Variants in ARHGEF10 observed in about 807,000 individuals in gnomAD.
The protein encoded by ARHGEF10 is Rho guanine nucleotide exchange factor (GEF) 10.
A neutral mutation model predicts 147.4 loss-of-function variants in ARHGEF10; 140 were observed. The ratio of observed to expected loss-of-function variants is 0.95; its 90% confidence interval spans 0.83 to 1.09. ARHGEF10 has a LOEUF of 1.09. Ranked by LOEUF, ARHGEF10 falls within the 50% of genes least tolerant of loss-of-function variation. The pLI is 0.00. For missense variants in ARHGEF10, 2,222 were observed against 1,752.7 expected (o/e 1.27, Z -4.78); for synonymous variants, 902 against 695.8 (o/e 1.30, Z -4.67).
chr8:1,859,681 C>A (rs926934222), intron 3 of ARHGEF10, among the ~76,000 whole-genome samples: 2 of 152,190 alleles, frequency 1.3e-5, no homozygotes, highest in African/African-American at 4.8e-5. Flanking sequence ...CTGTAGTGAC[C>A]AGGCTGCATC....
In ARHGEF10 at chr8:1,925,321, G is replaced by A. The variant is rs1812602496; in HGVS notation, c.2527G>A (p.Asp843Asn). The A allele has an allele frequency of 2.5e-6, 4 of 1,614,170 alleles. No individual in the cohort carries two copies. Among genetic ancestry groups the A allele is most frequent in the Non-Finnish European group, 1.7e-6 (2 of 1,180,030 alleles). Residue 843 changes from aspartate (D) to asparagine (N), a missense_variant, in exon 22 of 29, where the codon GAT (aspartate) becomes AAT (asparagine). Coordinates refer to ENST00000349830, the MANE Select transcript of ARHGEF10 (RefSeq NM_014629.4). ...NHMGWFCVED[D>N]GNHIKKEKHP... ...CATGGGCTGGTTCTGTGTGGAAGACGATGGGAATCACATTAAAAAGGAGAA... is the reference window on the plus strand; with the variant it reads ...CATGGGCTGGTTCTGTGTGGAAGACAATGGGAATCACATTAAAAAGGAGAA...
rs35095003 is a variant in ARHGEF10 at position 1,957,201 on chromosome 8, C to A, written c.3973C>A (p.Pro1325Thr). The change falls in exon 29 of 29, where the codon CCC (proline) becomes ACC (threonine). Residue 1325 changes from proline to threonine, a missense_variant. Coordinates refer to ENST00000349830, the MANE Select transcript of ARHGEF10 (RefSeq NM_014629.4). ...HRRVHRKARQ[P>T]HQEELAPTVM... Reference sequence around the variant, plus strand: ...CCGGGTGCACAGGAAGGCCCGGCAGCCCCACCAGGAAGAGCTGGCGCCGAC... The same window carrying A: ...CCGGGTGCACAGGAAGGCCCGGCAGACCCACCAGGAAGAGCTGGCGCCGAC... 1 of 1,612,140 alleles carries A rather than the reference C, an allele frequency of 6.2e-7. No homozygotes were observed. Among genetic ancestry groups the A allele is most frequent in the African/African-American group, 1.3e-5 (1 of 74,924 alleles).
Position 1,929,392 on chromosome 8 carries a change from CT to C in ARHGEF10, c.3029del (p.Leu1010ArgfsTer28), listed in dbSNP as rs1457375724. On this transcript the variant is annotated frameshift_variant, in exon 25 of 29. Transcript: ENST00000349830. LOFTEE classifies it high-confidence loss of function. ...GAGCCTGGCTTGCACGTCTCAGAGC[CT>C]GTACGCTGGCCTGGTCAACGGGGCA... ...VMSLACTSQS[L>X]YAGLVNGAVA... 1 of 1,613,372 alleles carries C rather than the reference CT, an allele frequency of 6.2e-7. No homozygotes were observed. The highest frequency in any genetic ancestry group is 1.1e-5 in the South Asian group (1 of 91,046).
chr8:1,954,059 C>T (rs1431705037), intron 28 of ARHGEF10, among the ~76,000 whole-genome samples: 2 of 152,174 alleles, frequency 1.3e-5, no homozygotes, highest in South Asian at 2.1e-4. Context: ...ATGTTGAGGA[C>T]CCCAAATCCA....
intron 17 of ARHGEF10, among the ~76,000 whole-genome samples, chr8:1,908,696 G>C (rs1010149080): frequency 1.3e-5 from 2 of 151,910 alleles, no homozygotes; most frequent in Non-Finnish European, 2.9e-5. Flanking sequence ...GTTGGCGCAG[G>C]TCGTTTCCAC....
At chr8:1,827,090 C>G (rs1227603801) in intron 1 of ARHGEF10, among the ~76,000 whole-genome samples, 1 of 152,138 alleles carries the variant, frequency 6.6e-6, no homozygotes, top group Non-Finnish European at 1.5e-5. Context: ...GGCCACAGCC[C>G]CAGGTCCGTC....
At chr8:1,938,468 G>A (rs969725730) in intron 26 of ARHGEF10, among the ~76,000 whole-genome samples, 1 of 152,294 alleles carries the variant, frequency 6.6e-6, no homozygotes, top group Admixed American at 6.5e-5. Context: ...GGAAAGAGAG[G>A]AAAAAGGTTT....
Position 1,859,967 on chromosome 8 carries a change from A to AGTCAACCC in ARHGEF10, c.265_272dup (p.Tyr92SerfsTer86). The AGTCAACCC allele has an allele frequency of 6.2e-7, 1 of 1,614,166 alleles. No individual in the cohort carries two copies. The highest frequency in any genetic ancestry group is 8.5e-7 in the Non-Finnish European group (1 of 1,180,034). On this transcript the variant is annotated frameshift_variant, in exon 4 of 29. Coordinates refer to ENST00000349830, the MANE Select transcript of ARHGEF10 (RefSeq NM_014629.4). LOFTEE classifies it high-confidence loss of function. ...CTACTAAGCTGGTGCTCCCGATGAAAGTCAACCCATATTCTGTCATCGACA... is the reference window on the plus strand; with the variant it reads ...CTACTAAGCTGGTGCTCCCGATGAAAGTCAACCCGTCAACCCATATTCTGTCATCGACA...
intron 26 of ARHGEF10, among the ~76,000 whole-genome samples, chr8:1,944,106 G>A (rs76498815): frequency 2.6e-3 from 256 of 96,858 alleles, no homozygotes; most frequent in Middle Eastern, 6.5e-3. Context: ...CCAGCCTCCC[G>A]CACTGTGTCG....
At chr8:1,887,426 T>G (rs1808761976) in intron 11 of ARHGEF10, among the ~76,000 whole-genome samples, 1 of 146,728 alleles carries the variant, frequency 6.8e-6, no homozygotes, top group South Asian at 2.2e-4. Context: ...CTGAGTGGGG[T>G]GTGAGGGGTC....
At chr8:1,897,283 C>G (rs1810054678) in intron 14 of ARHGEF10, among the ~76,000 whole-genome samples, 1 of 152,244 alleles carries the variant, frequency 6.6e-6, no homozygotes, top group African/African-American at 2.4e-5. Context: ...CACGGCGGCT[C>G]CTGCTCCTCC....
At chr8:1,921,148 T>C (rs189767745) in intron 18 of ARHGEF10, among the ~76,000 whole-genome samples, 2 of 152,192 alleles carry the variant, frequency 1.3e-5, no homozygotes, top group South Asian at 2.1e-4. Flanking sequence ...TTTGTCTAGA[T>C]AGTTGATACA....
chr8:1,832,689 C>G lies in ARHGEF10; in HGVS notation c.-48+8576C>G, dbSNP rs1411106002. On this transcript the variant is annotated intron_variant, in intron 1 of 28. Coordinates refer to ENST00000349830, the MANE Select transcript of ARHGEF10 (RefSeq NM_014629.4). ...GCAGAGACAGAGGCAGAGACAGAGACAGAGAGACAGGCAGAGGCAGAGACA... is the reference window on the plus strand; with the variant it reads ...GCAGAGACAGAGGCAGAGACAGAGAGAGAGAGACAGGCAGAGGCAGAGACA... 1.7e-4 allele frequency among the ~76,000 whole-genome samples: 6 copies of G among 35,658 alleles called. 2 individuals are homozygous for G. The highest frequency in any genetic ancestry group is 5.2e-4 in the Admixed American group (2 of 3,856). 23.4% of individuals were successfully genotyped at this position (35,658 alleles called of 152,430 possible). A position where few individuals can be genotyped will look rare whatever the true frequency, so the allele number is the denominator to read the frequency against.
At chr8:1,942,945 G>C (rs1290817359) in intron 26 of ARHGEF10, among the ~76,000 whole-genome samples, 1 of 152,188 alleles carries the variant, frequency 6.6e-6, no homozygotes, top group Non-Finnish European at 1.5e-5. Context: ...GGGGGCATAA[G>C]GGTGATAAAA....
At chr8:1,905,471 T>G (rs1415178310) in intron 16 of ARHGEF10, 100 bp from the exon 17 acceptor site, 6 of 1,476,476 alleles carry the variant, frequency 4.1e-6, no homozygotes, top group Non-Finnish European at 5.7e-6. Flanking sequence ...GCGCTCAGTT[T>G]GGAAAAGTCA....
chr8:1,872,636 T>C (rs1807224604), intron 7 of ARHGEF10, among the ~76,000 whole-genome samples: 1 of 152,232 alleles, frequency 6.6e-6, no homozygotes. Flanking sequence ...TATCTCAGCA[T>C]GTGTTTAAAA....
rs537963761 is a variant in ARHGEF10 at position 1,945,822 on chromosome 8, G to A, written c.3397+167G>A. ...GGCCCAGGGACAGACGTGGGAGTAC[G>A]GAGCATGGTCAGCCCACTTTAGCGC... On this transcript the variant is annotated intron_variant, in intron 27 of 28. Coordinates refer to ENST00000349830, the MANE Select transcript of ARHGEF10 (RefSeq NM_014629.4). The A allele has an allele frequency of 1.1e-3, 1,160 of 1,082,504 alleles. 5 individuals carry two copies. The highest frequency in any genetic ancestry group is 1.4e-3 in the Non-Finnish European group (1,027 of 726,928). 67.1% of individuals were successfully genotyped at this position (1,082,504 alleles called of 1,614,324 possible). A position where few individuals can be genotyped will look rare whatever the true frequency, so the allele number is the denominator to read the frequency against.
intron 13 of ARHGEF10, among the ~76,000 whole-genome samples, chr8:1,896,073 G>A (rs1384683961): frequency 2.0e-5 from 3 of 152,120 alleles, no homozygotes; most frequent in Non-Finnish European, 4.4e-5. Flanking sequence ...ATTCTTAACT[G>A]AAACCCAAAT....
chr8:1,827,890 T>TC (rs1410115295), intron 1 of ARHGEF10, among the ~76,000 whole-genome samples: 1 of 152,098 alleles, frequency 6.6e-6, no homozygotes, highest in East Asian at 1.9e-4. Context: ...GGGGCCCTTG[T>TC]GAGGGAGCGA....
Sources: allele counts gnomAD v4.1 joint callset (sites outside exome capture counted in the v4.1 genomes callset), GRCh38; gene constraint gnomAD v4.1.1; transcripts MANE v1.5; gene names NCBI Gene and HGNC (gene_info 2026-07-23, HGNC 2026-07-21).